Variants in CRB2 observed in about 807,000 individuals in gnomAD.
CRB2 encodes the protein crumbs cell polarity complex component 2.
In CRB2, 85 loss-of-function variants were observed where a neutral mutation model predicts 110.9. The observed-to-expected ratio is 0.77, with a 90% CI of 0.64 to 0.92. The LOEUF (loss-of-function observed/expected upper bound fraction) is 0.92. CRB2 is among the 40% of genes least tolerant of loss of function. The probability of loss-of-function intolerance (pLI) is 0.00; values close to 1 mark genes in which losing one functional copy is unlikely to be tolerated. For missense variants in CRB2, 1,843 were observed against 1,851.3 expected (o/e 1.00, Z 0.08); for synonymous variants, 907 against 831.0 (o/e 1.09, Z -1.57).
chr9:123,373,409 C>T lies in CRB2; in HGVS notation c.2878C>T (p.Arg960Cys), dbSNP rs768010757. The T allele has an allele frequency of 1.4e-5, 20 of 1,443,998 alleles. No individual in the cohort carries two copies. The highest frequency in any genetic ancestry group is 2.3e-4 in the Middle Eastern group (1 of 4,386). 89.4% of individuals were successfully genotyped at this position (1,443,998 alleles called of 1,614,324 possible). Residue 960 changes from arginine (R) to cysteine (C), a missense_variant, in exon 10 of 13, where the codon CGT becomes TGT. Transcript: ENST00000373631. Reference sequence around the variant, plus strand: ...GGCCGATGGTGCCTGGCACCGCGTGCGTCTGGCCATGGAGCGCCCGGCGGC... The same window carrying T: ...GGCCGATGGTGCCTGGCACCGCGTGTGTCTGGCCATGGAGCGCCCGGCGGC... ...RVADGAWHRV[R>C]LAMERPAATT...
At chr9:123,376,809 C>T in intron 12 of CRB2, 29 bp from the exon 13 acceptor site, 1 of 1,583,484 alleles carries the variant, frequency 6.3e-7, no homozygotes, top group Non-Finnish European at 8.6e-7. Context: ...TCTCTGCGGT[C>T]TTAGGCCTCG....
At chr9:123,365,604 C>G (rs1352235473) in intron 2 of CRB2, among the ~76,000 whole-genome samples, 1 of 152,232 alleles carries the variant, frequency 6.6e-6, no homozygotes, top group Non-Finnish European at 1.5e-5. Flanking sequence ...ATTGCTTTCC[C>G]AAGACCCAAC....
intron 11 of CRB2, 88 bp downstream of exon 11, chr9:123,374,783 C>A: frequency 1.2e-6 from 1 of 812,816 alleles, no homozygotes. Context: ...GGTCCTCGCC[C>A]ACCTTCTCAC....
intron 1 of CRB2, 50 bp from the exon 2 acceptor site, chr9:123,362,815 G>T: frequency 6.6e-7 from 1 of 1,513,066 alleles, no homozygotes; most frequent in Non-Finnish European, 8.9e-7. Context: ...GGAGGAGATT[G>T]TCCTTGTAAC....
chr9:123,378,805 G>GTTTTTTTTTTTTTTTTTTTT (rs1166539194), downstream of CRB2: 3 of 100,978 alleles, frequency 3.0e-5, no homozygotes, highest in Admixed American at 2.6e-4. Context: ...CCTGTTTTTT[G>GTTTTTTTTTTTTTTTTTTTT]TTTTTTTTTT....
chr9:123,371,157 T>A lies in CRB2; in HGVS notation c.2015T>A (p.Val672Glu). The A allele has an allele frequency of 6.2e-7, 1 of 1,613,698 alleles. No individual in the cohort carries two copies. The highest frequency in any genetic ancestry group is 8.5e-7 in the Non-Finnish European group (1 of 1,180,010). The change falls in exon 8 of 13, where the codon GTG (valine) becomes GAG (glutamate). Residue 672 changes from valine to glutamate, a missense_variant. Val to Glu is a moderately radical substitution (Grantham distance 121, BLOSUM62 -2). Coordinates refer to ENST00000373631, the MANE Select transcript of CRB2 (RefSeq NM_173689.7). The stretch of plus-strand genomic sequence containing the variant: ...GAGCTGCCAGGTCCCAACCTCACAG[T>A]GTCTTTCCTTCTCCGCACTCGGGAG... ...LQELPGPNLT[V>E]SFLLRTRESA...
At chr9:123,361,553 G>GT (rs2041868985) in intron 1 of CRB2, among the ~76,000 whole-genome samples, 1 of 149,466 alleles carries the variant, frequency 6.7e-6, no homozygotes, top group African/African-American at 2.5e-5. Context: ...CTGGGGTCTG[G>GT]TGAGTGTCTA....
At chr9:123,378,820 T>TTTTTTTTTTTTTTTTC (rs2042153097), downstream of CRB2, 1 of 129,954 alleles carries the variant, frequency 7.7e-6, no homozygotes, top group East Asian at 2.3e-4. Context: ...TTTTTTTTTT[T>TTTTTTTTTTTTTTTTC]TTTTTTTTTT....
At chr9:123,371,003 A>G in intron 7 of CRB2, 23 bp downstream of exon 7, 1 of 1,596,130 alleles carries the variant, frequency 6.3e-7, no homozygotes, top group Non-Finnish European at 8.6e-7. Context: ...CCAGGTGGGA[A>G]GGCAGCACCT....
rs550049386 is a variant in CRB2, at chr9:123,358,339, G to A, written c.94+1985G>A. Among the ~76,000 whole-genome samples the A allele has an allele frequency of 4.6e-5, 7 of 152,308 alleles. No individual in the cohort carries two copies. The South Asian group carries it at 1.0e-3, about 23-fold the overall frequency. ...AGCATCTTGGAGTACAATGGGGCAC[G>A]TTGGGCTCTCATATCCACCCTCCCT... On this transcript the variant is annotated intron_variant, in intron 1 of 12. Coordinates refer to ENST00000373631, the MANE Select transcript of CRB2 (RefSeq NM_173689.7).
Position 123,366,100 on chromosome 9 carries a change from A to C in CRB2, c.602A>C (p.Asp201Ala). ...TGCGCACATGGGGGCACGTGCCACG[A>C]CCTGGTCAACGGGTGAGCGAGCGGC... Reference protein sequence around the residue: ...QPCAHGGTCHDLVNGFRCDCA... With the variant: ...QPCAHGGTCHALVNGFRCDCA... The change falls in exon 3 of 13, where the codon GAC (aspartate) becomes GCC (alanine). Residue 201 changes from aspartate to alanine, a missense_variant. Transcript: ENST00000373631. The C allele has an allele frequency of 6.6e-7, 1 of 1,511,410 alleles. No individual in the cohort carries two copies. The highest frequency in any genetic ancestry group is 8.8e-7 in the Non-Finnish European group (1 of 1,136,568). 93.6% of individuals were successfully genotyped at this position (1,511,410 alleles called of 1,614,324 possible). A position where few individuals can be genotyped will look rare whatever the true frequency, so the allele number is the denominator to read the frequency against.
intron 8 of CRB2, 133 bp from the exon 9 acceptor site, chr9:123,372,044 C>A: frequency 1.1e-6 from 1 of 900,946 alleles, no homozygotes; most frequent in Non-Finnish European, 1.7e-6. Context: ...ATCTTAGCGA[C>A]TTCCTCTCCC....
Position 123,370,589 on chromosome 9 carries a change from G to C in CRB2, c.1536G>C (p.Leu512=). 6.2e-7 allele frequency: 1 copy of C among 1,613,122 alleles called. No individual in the cohort carries two copies. The highest frequency in any genetic ancestry group is 8.5e-7 in the Non-Finnish European group (1 of 1,180,034). ...TTVLVLRLPD[L]ALNDGHWHQV... ...TGCTTGTCCTGAGACTGCCGGACCT[G>C]GCCCTAAACGATGGCCATTGGCACC... Residue 512 remains leucine (L), a synonymous_variant, in exon 7 of 13, where the codon CTG becomes CTC. Transcript: ENST00000373631.
At chr9:123,366,139 G>C in intron 3 of CRB2, 27 bp downstream of exon 3, 8 of 1,386,832 alleles carry the variant, frequency 5.8e-6, no homozygotes, top group Non-Finnish European at 7.4e-6. Context: ...GCAGGCGGCA[G>C]GGGCGCCGGG....
chr9:123,354,781 G>T (rs777804635), upstream of CRB2, among the ~76,000 whole-genome samples: 12 of 152,216 alleles, frequency 7.9e-5, no homozygotes, highest in Non-Finnish European at 1.8e-4. Context: ...AGTGGATAAG[G>T]AGTCTACCCA....
upstream of CRB2, chr9:123,356,156 C>G (rs756923901): frequency 1.1e-4 from 78 of 685,628 alleles, no homozygotes; most frequent in Non-Finnish European, 1.7e-4. Context: ...GGCTGGGCCT[C>G]TGTCCACAGC....
intron 1 of CRB2, among the ~76,000 whole-genome samples, chr9:123,362,118 C>T (rs2041875282): frequency 6.6e-6 from 1 of 152,146 alleles, no homozygotes; most frequent in Non-Finnish European, 1.5e-5. Flanking sequence ...GGCCAGGGAC[C>T]CTCTAGAAGT....
intron 2 of CRB2, among the ~76,000 whole-genome samples, chr9:123,364,299 T>C (rs2041902560): frequency 1.3e-5 from 2 of 152,152 alleles, no homozygotes; most frequent in South Asian, 2.1e-4. Context: ...TCTGAGTGCA[T>C]GTGTGGGCAG....
chr9:123,358,143 A>T (rs1403991358), intron 1 of CRB2, among the ~76,000 whole-genome samples: 1 of 152,036 alleles, frequency 6.6e-6, no homozygotes, highest in African/African-American at 2.4e-5. Flanking sequence ...GAGGGGAGGG[A>T]TTGGGGATTT....
Sources: gnomAD v4.1 joint callset for allele counts (sites outside exome capture counted in the v4.1 genomes callset) on GRCh38, gnomAD v4.1.1 for gene constraint, MANE v1.5 for transcripts, NCBI Gene and HGNC (gene_info 2026-07-23, HGNC 2026-07-21) for gene names.